Variants in RBFOX1 observed in about 807,000 individuals in gnomAD.
RBFOX1 encodes the protein RNA binding fox-1 homolog 1, also known as RNA binding protein fox-1 homolog 1.
In RBFOX1, 8 loss-of-function variants were observed where a neutral mutation model predicts 57.7. The ratio of observed to expected loss-of-function variants is 0.14; its 90% CI spans 0.08 to 0.25. RBFOX1 has a LOEUF of 0.25. Among genes scored for constraint, RBFOX1 ranks in the 10% least tolerant of loss-of-function variants. RBFOX1 has a pLI of 1.00. For synonymous variants in RBFOX1, 326 were observed against 222.4 expected, an observed-to-expected ratio of 1.47 and a Z score of -4.15; for missense variants, 611 against 548.5, an observed-to-expected ratio of 1.11 and a Z score of -1.14.
chr16:6,205,284 G>A (rs548663998), intron 1 of RBFOX1, among the ~76,000 whole-genome samples: 1 of 152,318 alleles, frequency 6.6e-6, no homozygotes, highest in South Asian at 2.1e-4. Flanking sequence ...AGAAGAAAGG[G>A]AAGCTCTGTG....
At chr16:5,372,669 C>A (rs116150484) in intron 1 of RBFOX1, among the ~76,000 whole-genome samples, 1 of 152,126 alleles carries the variant, frequency 6.6e-6, no homozygotes, top group South Asian at 2.1e-4. Context: ...AGAACAGAAT[C>A]GGCTTTGCAA....
chr16:5,932,816 C>T (rs956966425), intron 4 of RBFOX1, among the ~76,000 whole-genome samples: 3 of 152,134 alleles, frequency 2.0e-5, no homozygotes. Flanking sequence ...GTGCTTGGTT[C>T]TCCCTGCTCT....
rs201938996 is a variant in RBFOX1, at chr16:6,212,255, G to GTA, written c.-126-104733_-126-104732dup. On this transcript the variant is annotated intron_variant, in intron 1 of 15. Coordinates refer to ENST00000550418, the MANE Select transcript of RBFOX1 (RefSeq NM_018723.4). ...AATTGGTGAAAAAAGTTGTATAATA[G>GTA]TATATATACTATGATTACTTTTATG... 2.6e-3 allele frequency among the ~76,000 whole-genome samples: 392 copies of GTA among 152,130 alleles called. 1 individual carries two copies. The highest frequency in any genetic ancestry group is 7.6e-3 in the African/African-American group (317 of 41,486).
chr16:6,854,982 A>C (rs1035091460), intron 3 of RBFOX1, among the ~76,000 whole-genome samples: 2 of 151,888 alleles, frequency 1.3e-5, no homozygotes, highest in Non-Finnish European at 2.9e-5. Flanking sequence ...TGCTTGGACT[A>C]ATCTTTGGTG....
At chr16:7,543,796 C>T (rs967940358) in intron 5 of RBFOX1, among the ~76,000 whole-genome samples, 1 of 152,072 alleles carries the variant, frequency 6.6e-6, no homozygotes, top group African/African-American at 2.4e-5. Flanking sequence ...TCTTGGCTCA[C>T]TGCAACCTCT....
intron 14 of RBFOX1, among the ~76,000 whole-genome samples, chr16:7,707,521 T>C (rs2082866333): frequency 6.6e-6 from 1 of 152,068 alleles, no homozygotes; most frequent in Non-Finnish European, 1.5e-5. Context: ...ATTCAGGAAA[T>C]GGTCAAAGAA....
At chr16:7,293,908 C>T (rs902752677) in intron 4 of RBFOX1, among the ~76,000 whole-genome samples, 1 of 152,006 alleles carries the variant, frequency 6.6e-6, no homozygotes, top group Admixed American at 6.6e-5. Context: ...CTGGGAAGGT[C>T]CAGGTCAAGG....
chr16:5,900,720 C>T (rs771639227), intron 4 of RBFOX1, among the ~76,000 whole-genome samples: 1 of 152,106 alleles, frequency 6.6e-6, no homozygotes, highest in Non-Finnish European at 1.5e-5. Flanking sequence ...GGGGACCTGG[C>T]GGCCAGCTTC....
At chr16:5,241,226 A>G (rs1357697562) in intron 1 of RBFOX1, among the ~76,000 whole-genome samples, 2 of 152,064 alleles carry the variant, frequency 1.3e-5, no homozygotes, top group Non-Finnish European at 2.9e-5. Flanking sequence ...TGACATCCTC[A>G]TCTCCCCGTG....
intron 4 of RBFOX1, among the ~76,000 whole-genome samples, chr16:5,952,471 G>C (rs2059541037): frequency 1.3e-5 from 2 of 152,022 alleles, no homozygotes; most frequent in South Asian, 4.2e-4. Context: ...ATTTTTAATA[G>C]AGATGGGGTT....
chr16:7,347,357 C>T (rs2097031774), intron 4 of RBFOX1, among the ~76,000 whole-genome samples: 1 of 152,088 alleles, frequency 6.6e-6, no homozygotes, highest in African/African-American at 2.4e-5. Context: ...TGGATGACAG[C>T]AGGCAAAGAG....
chr16:6,153,292 C>G (rs2096812993), intron 1 of RBFOX1, among the ~76,000 whole-genome samples: 2 of 151,966 alleles, frequency 1.3e-5, no homozygotes, highest in African/African-American at 4.8e-5. Context: ...CAAAAATTTT[C>G]AACAATGGAA....
intron 4 of RBFOX1, among the ~76,000 whole-genome samples, chr16:7,070,015 C>T (rs957791375): frequency 3.3e-5 from 5 of 152,154 alleles, no homozygotes; most frequent in African/African-American, 1.2e-4. Context: ...CATCATCATC[C>T]TTTTGCCATC....
At chr16:7,448,186 G>A (rs1254092909) in intron 4 of RBFOX1, among the ~76,000 whole-genome samples, 1 of 152,202 alleles carries the variant, frequency 6.6e-6, no homozygotes, top group Admixed American at 6.5e-5. Flanking sequence ...AAACAGAGCG[G>A]CTTAAAATAA....
intron 1 of RBFOX1, among the ~76,000 whole-genome samples, chr16:5,444,917 G>C (rs904672392): frequency 6.6e-6 from 1 of 152,188 alleles, no homozygotes; most frequent in Non-Finnish European, 1.5e-5. Context: ...GCCAATGAAA[G>C]TGAGCTTTCC....
At chr16:6,665,321 A>C (rs2098724995) in intron 3 of RBFOX1, among the ~76,000 whole-genome samples, 1 of 152,312 alleles carries the variant, frequency 6.6e-6, no homozygotes, top group Non-Finnish European at 1.5e-5. Context: ...GGACTAAAAA[A>C]TGAGGGAGGG....
At chr16:6,724,427 C>T (rs193047904) in intron 3 of RBFOX1, among the ~76,000 whole-genome samples, 4 of 152,038 alleles carry the variant, frequency 2.6e-5, no homozygotes, top group South Asian at 2.1e-4. Context: ...AGGCTGGTCT[C>T]GAACTCCTGA....
intron 4 of RBFOX1, among the ~76,000 whole-genome samples, chr16:5,973,200 A>C (rs1336470061): frequency 6.6e-6 from 1 of 152,208 alleles, no homozygotes; most frequent in African/African-American, 2.4e-5. Context: ...TACCGTCAAA[A>C]ATATTAGGGA....
At chr16:6,106,727 G>A (rs980376385) in intron 1 of RBFOX1, among the ~76,000 whole-genome samples, 3 of 152,060 alleles carry the variant, frequency 2.0e-5, no homozygotes, top group Non-Finnish European at 4.4e-5. Flanking sequence ...GAGTGCAGTG[G>A]CCTGATCTCA....
Sources: gnomAD v4.1 joint callset for allele counts (sites outside exome capture counted in the v4.1 genomes callset) on GRCh38, gnomAD v4.1.1 for gene constraint, MANE v1.5 for transcripts, NCBI Gene and HGNC (gene_info 2026-07-23, HGNC 2026-07-21) for gene names.